The following VTI1A variants were observed in gnomAD, a reference collection of about 807,000 sequenced individuals.
VTI1A encodes vesicle transport through interaction with t-SNAREs 1A.
Under a neutral mutation model 34.9 loss-of-function variants are expected in VTI1A, and 22 were observed. The ratio of observed to expected loss-of-function variants is 0.63; its 90% CI spans 0.45 to 0.90. The LOEUF (loss-of-function observed/expected upper bound fraction) is 0.90, where lower values mean the gene tolerates loss of function less well. VTI1A is among the 40% of genes least tolerant of loss of function. The pLI, the probability that VTI1A is intolerant of heterozygous loss-of-function variation, is 0.00. For synonymous variants in VTI1A, 87 were observed against 97.3 expected (o/e 0.89, Z 0.62); for missense variants, 268 against 275.6 (o/e 0.97, Z 0.20).
intron 7 of VTI1A, among the ~76,000 whole-genome samples, chr10:112,695,260 A>T (rs895562719): frequency 6.6e-6 from 1 of 152,194 alleles, no homozygotes; most frequent in East Asian, 1.9e-4. Flanking sequence ...AAAAAGTTCA[A>T]TATTTCTAAT....
chr10:112,656,505 A>G (rs1035351492), intron 5 of VTI1A, among the ~76,000 whole-genome samples: 3 of 145,362 alleles, frequency 2.1e-5, no homozygotes, highest in Non-Finnish European at 4.5e-5. Context: ...ATACAGGAGC[A>G]TACCACACCC....
intron 5 of VTI1A, among the ~76,000 whole-genome samples, chr10:112,615,083 A>G (rs1271005610): frequency 2.6e-5 from 4 of 152,198 alleles, no homozygotes; most frequent in Admixed American, 2.6e-4. Context: ...AAACCTAAAA[A>G]TCCATAAGTA....
Position 112,711,925 on chromosome 10 carries a change from G to A in VTI1A, c.560+42927G>A, listed in dbSNP as rs1590102264. On this transcript the variant is annotated intron_variant, in intron 7 of 7. Transcript: ENST00000393077. ...CCCACTTTATCTTAATCTGTTCTCT[G>A]TCCATTCTCTAGCTGAAGACACCTG... 3.3e-5 allele frequency among the ~76,000 whole-genome samples: 5 copies of A among 152,258 alleles called. 1 individual carries two copies. The South Asian group carries it at 1.0e-3, about 32-fold the overall frequency.
At chr10:112,649,589 A>C (rs571250637) in intron 5 of VTI1A, among the ~76,000 whole-genome samples, 1 of 152,228 alleles carries the variant, frequency 6.6e-6, no homozygotes, top group African/African-American at 2.4e-5. Context: ...CAAGAGGAAA[A>C]CCCATCTGCC....
Position 112,777,970 on chromosome 10 carries a change from C to T in VTI1A, c.561-37320C>T, listed in dbSNP as rs138842537. Among the ~76,000 whole-genome samples the T allele has an allele frequency of 1.6e-3, 243 of 152,108 alleles. 1 individual carries two copies. Among genetic ancestry groups the T allele is most frequent in the Middle Eastern group, 0.01 (3 of 294 alleles). On this transcript the variant is annotated intron_variant, in intron 7 of 7. Coordinates refer to ENST00000393077, the MANE Select transcript of VTI1A (RefSeq NM_145206.4). ...ATACAAAATTAGCCGGGCATGGTGG[C>T]GCATGCATGTAATCCCAGCTACTCG...
chr10:112,549,506 C>CT (rs908703733), intron 5 of VTI1A, among the ~76,000 whole-genome samples: 3 of 152,152 alleles, frequency 2.0e-5, no homozygotes, highest in Admixed American at 6.5e-5. Context: ...CAAATTAACA[C>CT]TTTATGTTAT....
chr10:112,648,029 C>T (rs1372024097), intron 5 of VTI1A, among the ~76,000 whole-genome samples: 1 of 152,228 alleles, frequency 6.6e-6, no homozygotes, highest in Non-Finnish European at 1.5e-5. Context: ...CTCAGCCTCC[C>T]AAAGTGCTGG....
intron 5 of VTI1A, among the ~76,000 whole-genome samples, chr10:112,577,138 G>A (rs544328530): frequency 1.4e-4 from 21 of 152,248 alleles, no homozygotes; most frequent in Admixed American, 3.9e-4. Context: ...CTCACGTGGT[G>A]GGGAGAGAGC....
At chr10:112,533,826 A>G (rs1350117012) in intron 4 of VTI1A, among the ~76,000 whole-genome samples, 1 of 152,142 alleles carries the variant, frequency 6.6e-6, no homozygotes, top group Non-Finnish European at 1.5e-5. Flanking sequence ...TAATAAAGGA[A>G]TATCTTAAAA....
chr10:112,546,135 ATATG>A (rs1419652950), intron 5 of VTI1A, among the ~76,000 whole-genome samples: 5 of 151,634 alleles, frequency 3.3e-5, no homozygotes, highest in African/African-American at 4.8e-5. Flanking sequence ...TTTTGCATAT[ATATG>A]TGTGTGCGTA....
chr10:112,479,623 A>T (rs1477861451), intron 3 of VTI1A, among the ~76,000 whole-genome samples: 1 of 152,214 alleles, frequency 6.6e-6, no homozygotes, highest in Non-Finnish European at 1.5e-5. Flanking sequence ...CTGTTTTGGC[A>T]TAAGACTACC....
chr10:112,679,486 G>A (rs1341976965), intron 7 of VTI1A, among the ~76,000 whole-genome samples: 1 of 151,876 alleles, frequency 6.6e-6, no homozygotes, highest in Admixed American at 6.6e-5. Flanking sequence ...GTGATAGGAG[G>A]TGTCACGATT....
chr10:112,546,168 TA>T (rs946795966), intron 5 of VTI1A, among the ~76,000 whole-genome samples: 3 of 150,116 alleles, frequency 2.0e-5, no homozygotes, highest in African/African-American at 7.3e-5. Context: ...TGTATATATA[TA>T]CACACACACA....
intron 5 of VTI1A, among the ~76,000 whole-genome samples, chr10:112,654,636 G>A (rs958943542): frequency 6.6e-6 from 1 of 152,030 alleles, no homozygotes; most frequent in African/African-American, 2.4e-5. Flanking sequence ...GGGACTACAG[G>A]CACCCACCAC....
At chr10:112,602,755 A>G (rs1304584836) in intron 5 of VTI1A, among the ~76,000 whole-genome samples, 1 of 152,242 alleles carries the variant, frequency 6.6e-6, no homozygotes, top group Non-Finnish European at 1.5e-5. Context: ...GTCAAACAGT[A>G]AAACAGCAGA....
At position 112,779,827 on chromosome 10, in the gene VTI1A, C is replaced by T. The variant is rs140370857; in HGVS notation, c.561-35463C>T. 4.8e-3 allele frequency among the ~76,000 whole-genome samples: 728 copies of T among 152,152 alleles called. 7 individuals carry two copies. The highest frequency in any genetic ancestry group is 0.017 in the African/African-American group (700 of 41,504). The stretch of plus-strand genomic sequence containing the variant: ...GGCGAGAGAAGAAATTATTTTTCAA[C>T]GTTATTATTAAATAGAAGCTCTCAT... On this transcript the variant is annotated intron_variant, in intron 7 of 7. Coordinates refer to ENST00000393077, the MANE Select transcript of VTI1A (RefSeq NM_145206.4).
chr10:112,842,050 CCTTTTTTTTTTTTT>C, the VTI1A span, among the ~76,000 whole-genome samples: 2 of 93,166 alleles, frequency 2.1e-5, no homozygotes, highest in African/African-American at 4.8e-5. Flanking sequence ...TTTTTTTTTT[CCTTTTTTTTTTTTT>C]TTTTTTTTTT....
chr10:112,850,693 A>G, the VTI1A span, among the ~76,000 whole-genome samples: 3 of 152,212 alleles, frequency 2.0e-5, no homozygotes, highest in Non-Finnish European at 4.4e-5. Context: ...CCCAAATCAT[A>G]TAAGTGTCAC....
chr10:112,706,485 C>G (rs1849203133), intron 7 of VTI1A, among the ~76,000 whole-genome samples: 1 of 152,192 alleles, frequency 6.6e-6, no homozygotes, highest in Non-Finnish European at 1.5e-5. Flanking sequence ...AGCTCTTAGT[C>G]TTACCTACTT....
Sources: allele counts gnomAD v4.1 joint callset (sites outside exome capture counted in the v4.1 genomes callset), GRCh38; gene constraint gnomAD v4.1.1; transcripts MANE v1.5; gene names NCBI Gene and HGNC (gene_info 2026-07-23, HGNC 2026-07-21).